DPPA4: variants seen among roughly 807,000 people sequenced by gnomAD.
The protein encoded by DPPA4 is developmental pluripotency associated 4.
Under a neutral mutation model 33.7 loss-of-function variants are expected in DPPA4, and 22 were observed. The ratio of observed to expected loss-of-function variants is 0.65; its 90% confidence interval spans 0.47 to 0.93. The LOEUF is 0.93. DPPA4 is among the 40% of genes least tolerant of loss of function. DPPA4 has a pLI of 0.00. For synonymous variants in DPPA4, 156 were observed against 132.3 expected (o/e 1.18, Z -1.23); for missense variants, 340 against 358.6 (o/e 0.95, Z 0.42).
chr3:109,334,184 A>AT (rs1708145018), intron 1 of DPPA4, among the ~76,000 whole-genome samples, 191 bp from the exon 2 acceptor site: 2 of 152,182 alleles, frequency 1.3e-5, no homozygotes, highest in Non-Finnish European at 2.9e-5. Flanking sequence ...ATGGAAAAAA[A>AT]GGGAGGAAGC....
At chr3:109,332,858 G>A (rs113216372) in intron 2 of DPPA4, among the ~76,000 whole-genome samples, 5 of 152,004 alleles carry the variant, frequency 3.3e-5, no homozygotes, top group East Asian at 1.9e-4. Context: ...TTGGGAGGCC[G>A]AGGTGGGTGG....
At chr3:109,336,273 T>C (rs1358319696) in intron 1 of DPPA4, 1 of 152,202 alleles carries the variant, frequency 6.6e-6, no homozygotes. Context: ...CAGTTCTACA[T>C]TTTGATTTGA....
chr3:109,338,467 A>C (rs975742205), upstream of DPPA4, among the ~76,000 whole-genome samples: 3 of 152,238 alleles, frequency 2.0e-5, no homozygotes, highest in Non-Finnish European at 4.4e-5. Context: ...GAAGTGAAGG[A>C]AGCAGTGGCT....
rs564095413 is a variant in DPPA4 at position 109,326,582 on chromosome 3, G to A, written c.*1406C>T. Reference sequence around the variant, plus strand: ...ATTATTTTTAGTATCTTCATTAAACGGGCAAAAAAAAAGATCCCCTACTTG... The same window carrying A: ...ATTATTTTTAGTATCTTCATTAAACAGGCAAAAAAAAAGATCCCCTACTTG... On this transcript the variant is annotated 3_prime_UTR_variant, in exon 7 of 7. Coordinates refer to ENST00000335658, the MANE Select transcript of DPPA4 (RefSeq NM_018189.4). 2.0e-4 allele frequency: 30 copies of A among 149,212 alleles called. No individual in the cohort carries two copies. The highest frequency in any genetic ancestry group is 5.6e-4 in the African/African-American group (22 of 39,288). 9.2% of individuals were successfully genotyped at this position (149,212 alleles called of 1,614,324 possible). A position where few individuals can be genotyped will look rare whatever the true frequency, so the allele number is the denominator to read the frequency against.
chr3:109,331,260 C>CAAAAAAAAA (rs10593582), intron 4 of DPPA4, among the ~76,000 whole-genome samples: 28 of 58,394 alleles, frequency 4.8e-4, no homozygotes, highest in African/African-American at 7.6e-4. Flanking sequence ...GACTCTGTCT[C>CAAAAAAAAA]AAAAAAAAAA....
intron 2 of DPPA4, chr3:109,333,657 G>C (rs1708131672): frequency 5.1e-6 from 2 of 390,500 alleles, no homozygotes; most frequent in African/African-American, 4.1e-5. Flanking sequence ...AACCAAATAT[G>C]CTGTGGAAGT....
intron 1 of DPPA4, among the ~76,000 whole-genome samples, chr3:109,334,699 A>G (rs1323408145): frequency 6.6e-6 from 1 of 152,148 alleles, no homozygotes; most frequent in Non-Finnish European, 1.5e-5. Flanking sequence ...TCTTAACATA[A>G]AAGTAATTGT....
intron 1 of DPPA4, among the ~76,000 whole-genome samples, chr3:109,336,025 T>C (rs9288894): frequency 0.43 from 64,333 of 150,876 alleles, 14,705 homozygotes; most frequent in East Asian, 0.73. Flanking sequence ...TGGTGGTGCG[T>C]GCCTGCAATC....
upstream of DPPA4, among the ~76,000 whole-genome samples, chr3:109,337,868 A>G (rs995327672): frequency 1.4e-4 from 22 of 152,210 alleles, no homozygotes; most frequent in Non-Finnish European, 5.9e-5. Flanking sequence ...AGACTTGAGC[A>G]GGATGTGTGA....
At chr3:109,333,503 G>A (rs184491179) in intron 2 of DPPA4, 1 of 215,410 alleles carries the variant, frequency 4.6e-6, no homozygotes, top group East Asian at 1.3e-4. Flanking sequence ...GCTTAATAAA[G>A]GTAGATATTG....
chr3:109,331,809 G>C, intron 3 of DPPA4, 25 bp from the exon 4 acceptor site: 1 of 1,613,648 alleles, frequency 6.2e-7, no homozygotes, highest in Non-Finnish European at 8.5e-7. Context: ...AACTGAGTTA[G>C]TAAGGCAAAT....
rs759566830 is a variant in DPPA4, at chr3:109,332,049, C to A, written c.179-18G>T. 12 of 1,568,194 alleles carry A rather than the reference C, an allele frequency of 7.7e-6. No individual in the cohort carries two copies. Among genetic ancestry groups the A allele is most frequent in the Admixed American group, 2.0e-5 (1 of 51,252 alleles). The stretch of plus-strand genomic sequence containing the variant: ...GCAGAGCACTGAAGCAGAATGGAAT[C>A]AAATGAGTAGTAATTATCTTTGTGT... On this transcript the variant is annotated intron_variant, in intron 2 of 6. Transcript: ENST00000335658.
intron 2 of DPPA4, among the ~76,000 whole-genome samples, chr3:109,332,727 G>C (rs1708108768): frequency 6.6e-6 from 1 of 152,142 alleles, no homozygotes; most frequent in South Asian, 2.1e-4. Context: ...TTTCATAGCA[G>C]GTATGTTTCC....
intron 2 of DPPA4, 39 bp downstream of exon 2, chr3:109,333,831 C>G: frequency 6.2e-7 from 1 of 1,607,854 alleles, no homozygotes; most frequent in Non-Finnish European, 8.5e-7. Context: ...GCTTCTAAGA[C>G]CCGAGAAGGT....
intron 1 of DPPA4, among the ~76,000 whole-genome samples, chr3:109,336,160 A>T (rs561115378): frequency 3.5e-4 from 53 of 151,978 alleles, no homozygotes; most frequent in Non-Finnish European, 7.5e-4. Context: ...AAAAAAAAAA[A>T]TTAATATAAT....
upstream of DPPA4, among the ~76,000 whole-genome samples, chr3:109,337,805 C>T (rs981866069): frequency 1.3e-5 from 2 of 151,712 alleles, no homozygotes; most frequent in African/African-American, 4.9e-5. Context: ...TCCTTCAGAA[C>T]GATTCTACGG....
chr3:109,330,333 GA>G (rs5851663), intron 5 of DPPA4, 190 bp downstream of exon 5: 255,591 of 407,086 alleles, frequency 0.63, 72,608 homozygotes, highest in East Asian at 0.88. Flanking sequence ...AAAAAAAAAG[GA>G]AAAAAAAAAA....
intron 2 of DPPA4, chr3:109,332,309 G>C: frequency 9.1e-6 from 2 of 218,612 alleles, no homozygotes; most frequent in Non-Finnish European, 1.8e-5. Context: ...CACCATGTTG[G>C]CCAAGCTGGT....
chr3:109,333,542 C>T (rs777159813), intron 2 of DPPA4: 11 of 226,988 alleles, frequency 4.8e-5, no homozygotes, highest in African/African-American at 1.6e-4. Context: ...ATAGGAAGTC[C>T]GGTTTCAAGA....
Sources: gnomAD v4.1 joint callset for allele counts (sites outside exome capture counted in the v4.1 genomes callset) on GRCh38, gnomAD v4.1.1 for gene constraint, MANE v1.5 for transcripts, NCBI Gene and HGNC (gene_info 2026-07-23, HGNC 2026-07-21) for gene names.